Variants in IL1RAPL1 observed in about 807,000 individuals in gnomAD.
IL1RAPL1 encodes the protein interleukin-1 receptor accessory protein-like 1.
IL1RAPL1 carries 3 observed loss-of-function variants against 48.4 expected under a neutral mutation model. That is an observed-to-expected ratio of 0.06 (90% CI 0.03 to 0.16). The LOEUF (loss-of-function observed/expected upper bound fraction) is 0.16. IL1RAPL1 is among the 10% of genes least tolerant of loss of function. IL1RAPL1 has a pLI of 1.00. For missense variants in IL1RAPL1, 349 were observed against 530.6 expected (o/e 0.66, Z 3.36); for synonymous variants, 185 against 187.7 (o/e 0.99, Z 0.12).
intron 2 of IL1RAPL1, among the ~76,000 whole-genome samples, chrX:29,217,151 A>G (rs1306876954): frequency 1.8e-5 from 2 of 112,295 alleles, no homozygotes; most frequent in African/African-American, 6.5e-5. Context: ...AGGGTTGTTT[A>G]TCGCCCATGA....
chrX:29,210,049 T>A (rs1930741125), intron 2 of IL1RAPL1, among the ~76,000 whole-genome samples: 1 of 112,169 alleles, frequency 8.9e-6, no homozygotes, highest in South Asian at 3.7e-4. Flanking sequence ...ACTTTCAAAG[T>A]GGTTCAAATT....
intron 2 of IL1RAPL1, among the ~76,000 whole-genome samples, chrX:28,806,133 A>G (rs1363431040): frequency 8.9e-6 from 1 of 112,107 alleles, no homozygotes. Context: ...AAGCAAATGA[A>G]TAATTTTAAC....
chrX:28,972,083 A>G (rs1925090899), intron 2 of IL1RAPL1, among the ~76,000 whole-genome samples: 1 of 110,779 alleles, frequency 9.0e-6, no homozygotes, highest in Non-Finnish European at 1.9e-5. Flanking sequence ...ACTTATTTCA[A>G]AGATACCTGT....
intron 5 of IL1RAPL1, among the ~76,000 whole-genome samples, chrX:29,453,758 G>A (rs189826962): frequency 4.1e-4 from 46 of 111,982 alleles, no homozygotes; most frequent in Middle Eastern, 4.6e-3. Flanking sequence ...TGGTTGAGAC[G>A]ATCGAATGCT....
chrX:28,668,383 A>C (rs1005805748), intron 1 of IL1RAPL1, among the ~76,000 whole-genome samples: 4 of 111,317 alleles, frequency 3.6e-5, no homozygotes, highest in Non-Finnish European at 5.7e-5. Flanking sequence ...CTCAGCCTCC[A>C]GAGTAGCTGG....
rs535718404 is a variant in IL1RAPL1, at chrX:28,900,012, A to G, written c.82+110587A>G. Among the ~76,000 whole-genome samples the G allele has an allele frequency of 4.7e-4, 53 of 111,855 alleles. No homozygotes were observed. In the South Asian group the frequency reaches 0.02, roughly 42 times the overall value. The stretch of plus-strand genomic sequence containing the variant: ...TCTGGGCAGAGGAGGGGGAAAAAGA[A>G]TTTTCCTTGATTACCAGCTAAACTG... On this transcript the variant is annotated intron_variant, in intron 2 of 10. Transcript: ENST00000378993.
intron 1 of IL1RAPL1, among the ~76,000 whole-genome samples, chrX:28,700,273 C>T (rs781462705): frequency 4.8e-4 from 53 of 110,728 alleles, no homozygotes; most frequent in Middle Eastern, 4.6e-3. Flanking sequence ...GAAGTAGCTA[C>T]TTAATTTACA....
intron 6 of IL1RAPL1, among the ~76,000 whole-genome samples, chrX:29,805,174 T>C (rs1485290458): frequency 8.9e-6 from 1 of 111,837 alleles, no homozygotes; most frequent in Non-Finnish European, 1.9e-5. Flanking sequence ...AATGATAAAA[T>C]AGTACTTAGT....
intron 1 of IL1RAPL1, among the ~76,000 whole-genome samples, chrX:28,645,347 CAAAAAAAAAAAAAA>C (rs35814453): frequency 2.2e-3 from 63 of 29,061 alleles, no homozygotes; most frequent in African/African-American, 7.1e-3. Flanking sequence ...AATTCCGCCT[CAAAAAAAAAAAAAA>C]AAAAAAAAAA....
chrX:29,441,998 T>A (rs1934552250), intron 5 of IL1RAPL1, among the ~76,000 whole-genome samples: 1 of 112,114 alleles, frequency 8.9e-6, no homozygotes, highest in African/African-American at 3.2e-5. Context: ...TTTATACTAT[T>A]AACTAATTTA....
intron 2 of IL1RAPL1, among the ~76,000 whole-genome samples, chrX:28,971,469 A>G (rs146435243): frequency 4.5e-5 from 5 of 112,018 alleles, no homozygotes; most frequent in Admixed American, 9.5e-5. Flanking sequence ...CAGATAATCT[A>G]TAAATCCCAA....
In IL1RAPL1 at chrX:28,967,630, A is replaced by C. The variant is rs371561012; in HGVS notation, c.82+178205A>C. 1.3e-4 allele frequency among the ~76,000 whole-genome samples: 15 copies of C among 111,690 alleles called. No individual in the cohort carries two copies. In the East Asian group the frequency reaches 2.5e-3, roughly 19 times the overall value. ...CATGACCTTACTCATCATTACAAGCACTTGACATTTAAATACCTAGATCAA... is the reference window on the plus strand; with the variant it reads ...CATGACCTTACTCATCATTACAAGCCCTTGACATTTAAATACCTAGATCAA... On this transcript the variant is annotated intron_variant, in intron 2 of 10. Coordinates refer to ENST00000378993, the MANE Select transcript of IL1RAPL1 (RefSeq NM_014271.4).
intron 8 of IL1RAPL1, among the ~76,000 whole-genome samples, chrX:29,931,805 C>T (rs1346137556): frequency 3.6e-5 from 4 of 111,989 alleles, no homozygotes; most frequent in African/African-American, 1.3e-4. Context: ...AGGAAAATTG[C>T]TTTCAGGATA....
intron 2 of IL1RAPL1, among the ~76,000 whole-genome samples, chrX:28,997,232 T>A (rs1925745475): frequency 8.9e-6 from 1 of 111,797 alleles, no homozygotes; most frequent in South Asian, 3.7e-4. Flanking sequence ...TGTGGTGTAA[T>A]ATTAATTTAT....
intron 1 of IL1RAPL1, among the ~76,000 whole-genome samples, chrX:28,688,034 T>G (rs1280339917): frequency 9.9e-6 from 1 of 100,668 alleles, no homozygotes; most frequent in East Asian, 3.3e-4. Flanking sequence ...AACCCAGGAG[T>G]TGGAGGTTGC....
rs1003012720 is a variant in IL1RAPL1, at chrX:28,998,268, GA to G, written c.82+208853del. Reference sequence around the variant, plus strand: ...AGAAATAACAACTGAGACTATTCAGGAAAAAAAAAATGGCACTCTTCCAAAA... The same window carrying G: ...AGAAATAACAACTGAGACTATTCAGGAAAAAAAAATGGCACTCTTCCAAAA... On this transcript the variant is annotated intron_variant, in intron 2 of 10. Coordinates refer to ENST00000378993, the MANE Select transcript of IL1RAPL1 (RefSeq NM_014271.4). 8.5e-3 allele frequency among the ~76,000 whole-genome samples: 895 copies of G among 105,647 alleles called. 10 individuals are homozygous for G. The highest frequency in any genetic ancestry group is 0.029 in the African/African-American group (856 of 29,221). 91.7% of individuals were successfully genotyped at this position (105,647 alleles called of 115,157 possible). A position where few individuals can be genotyped will look rare whatever the true frequency, so the allele number is the denominator to read the frequency against.
intron 6 of IL1RAPL1, among the ~76,000 whole-genome samples, chrX:29,837,549 T>C (rs760092630): frequency 2.3e-3 from 258 of 110,785 alleles, no homozygotes; most frequent in African/African-American, 7.9e-3. Context: ...GTTACACCCC[T>C]GGTAAGGGAA....
At position 29,715,865 on chromosome X, in the gene IL1RAPL1, G is replaced by T. The variant is rs1437750723; in HGVS notation, c.778+47361G>T. 1.6e-4 allele frequency among the ~76,000 whole-genome samples: 18 copies of T among 112,084 alleles called. No homozygotes were observed. In the East Asian group the frequency reaches 3.9e-3, roughly 24 times the overall value. On this transcript the variant is annotated intron_variant, in intron 6 of 10. Transcript: ENST00000378993. ...CCCAGAAAGCATATGGTATATGGAAGATAATTAAGATCCAGTTTCTTTACC... is the reference window on the plus strand; with the variant it reads ...CCCAGAAAGCATATGGTATATGGAATATAATTAAGATCCAGTTTCTTTACC...
intron 1 of IL1RAPL1, among the ~76,000 whole-genome samples, chrX:28,647,814 T>G: frequency 8.9e-6 from 1 of 111,903 alleles, no homozygotes; most frequent in Non-Finnish European, 1.9e-5. Flanking sequence ...GCATCTAGGT[T>G]ATTTTGGCTT....
Sources: allele counts gnomAD v4.1 joint callset (sites outside exome capture counted in the v4.1 genomes callset), GRCh38; gene constraint gnomAD v4.1.1; transcripts MANE v1.5; gene names NCBI Gene and HGNC (gene_info 2026-07-23, HGNC 2026-07-21).